The following VIT variants were observed in gnomAD, a reference collection of about 807,000 sequenced individuals.
VIT encodes vitrin.
A neutral mutation model predicts 78.0 loss-of-function variants in VIT; 99 were observed. The observed-to-expected ratio is 1.27, with a 90% confidence interval of 1.08 to 1.50. VIT has a LOEUF of 1.50. VIT is among the 40% of genes most tolerant of loss of function. The pLI is 0.00. For missense variants in VIT, 1,126 were observed against 875.3 expected (o/e 1.29, Z -3.61); for synonymous variants, 374 against 334.3 (o/e 1.12, Z -1.29).
At chr2:36,809,241 C>T (rs1666976623) in intron 15 of VIT, among the ~76,000 whole-genome samples, 1 of 152,128 alleles carries the variant, frequency 6.6e-6, no homozygotes, top group Non-Finnish European at 1.5e-5. Flanking sequence ...TGACTGGGCG[C>T]ATTAACCCTT....
chr2:36,753,107 C>T lies in VIT; in HGVS notation c.276-1814C>T, dbSNP rs6544030. Reference sequence around the variant, plus strand: ...TATCCTCAGCAAACTAACACAAGAACAGAAAATCAAATACCGCATGTTCTC... The same window carrying T: ...TATCCTCAGCAAACTAACACAAGAATAGAAAATCAAATACCGCATGTTCTC... On this transcript the variant is annotated intron_variant, in intron 4 of 15. Coordinates refer to ENST00000379242, the MANE Select transcript of VIT (RefSeq NM_053276.4). Among the ~76,000 whole-genome samples, 1,184 of 151,672 alleles carry T rather than the reference C, an allele frequency of 7.8e-3. 15 individuals carry two copies. The highest frequency in any genetic ancestry group is 0.027 in the African/African-American group (1,129 of 41,292).
intron 13 of VIT, among the ~76,000 whole-genome samples, chr2:36,805,131 C>T (rs565236082): frequency 2.6e-5 from 4 of 151,966 alleles, no homozygotes; most frequent in Non-Finnish European, 4.4e-5. Context: ...GGCAAAACCT[C>T]GTCTCTACAA....
chr2:36,740,173 C>A (rs1667751594), intron 3 of VIT, among the ~76,000 whole-genome samples: 1 of 152,134 alleles, frequency 6.6e-6, no homozygotes, highest in Non-Finnish European at 1.5e-5. Flanking sequence ...ACGAATAAAC[C>A]TTAACAACCA....
At chr2:36,775,406 C>T (rs964848084) in intron 9 of VIT, among the ~76,000 whole-genome samples, 6 of 152,178 alleles carry the variant, frequency 3.9e-5, no homozygotes, top group Admixed American at 6.5e-5. Context: ...AGCACAAATA[C>T]CCAGATACAG....
intron 2 of VIT, among the ~76,000 whole-genome samples, chr2:36,725,791 G>A (rs998458836): frequency 2.0e-4 from 30 of 152,050 alleles, no homozygotes; most frequent in African/African-American, 6.0e-4. Context: ...AAACACACCC[G>A]CCGGGCACAG....
At chr2:36,780,242 T>C (rs1323777545) in intron 9 of VIT, among the ~76,000 whole-genome samples, 1 of 152,226 alleles carries the variant, frequency 6.6e-6, no homozygotes, top group African/African-American at 2.4e-5. Flanking sequence ...ATCCCTGATG[T>C]TGGGGGACTG....
At chr2:36,708,242 C>T (rs1460473987) in intron 1 of VIT, among the ~76,000 whole-genome samples, 2 of 152,198 alleles carry the variant, frequency 1.3e-5, no homozygotes, top group African/African-American at 4.8e-5. Flanking sequence ...GTGGCCTCTC[C>T]CCATTCAGAG....
chr2:36,709,452 G>A (rs1440452605), intron 1 of VIT, among the ~76,000 whole-genome samples: 1 of 152,192 alleles, frequency 6.6e-6, no homozygotes, highest in East Asian at 1.9e-4. Flanking sequence ...GCAAATGTTA[G>A]TTATGATGCA....
At chr2:36,709,576 A>G (rs929279302) in intron 1 of VIT, among the ~76,000 whole-genome samples, 2 of 152,196 alleles carry the variant, frequency 1.3e-5, no homozygotes, top group African/African-American at 2.4e-5. Context: ...TAATGGATGC[A>G]TGAAAGAAGA....
intron 6 of VIT, among the ~76,000 whole-genome samples, chr2:36,763,953 T>C (rs1014075652): frequency 8.5e-5 from 13 of 152,150 alleles, no homozygotes; most frequent in African/African-American, 2.2e-4. Flanking sequence ...TGGAAGCCCA[T>C]GGCTGTTAGT....
At chr2:36,803,763 G>GT (rs1329715429) in intron 13 of VIT, among the ~76,000 whole-genome samples, 4 of 152,186 alleles carry the variant, frequency 2.6e-5, no homozygotes, top group African/African-American at 9.7e-5. Flanking sequence ...AATGCATTGA[G>GT]TATAATACTA....
intron 14 of VIT, among the ~76,000 whole-genome samples, chr2:36,806,360 A>G (rs188568652): frequency 2.6e-5 from 4 of 152,212 alleles, no homozygotes; most frequent in Non-Finnish European, 5.9e-5. Context: ...CACCACCTCA[A>G]ACTGATGACC....
At chr2:36,799,268 C>T (rs1397923005) in intron 12 of VIT, among the ~76,000 whole-genome samples, 1 of 152,172 alleles carries the variant, frequency 6.6e-6, no homozygotes, top group Non-Finnish European at 1.5e-5. Context: ...GTCCTGGTGA[C>T]TGGTTTCCTC....
chr2:36,779,945 T>C (rs1362598561), intron 9 of VIT, among the ~76,000 whole-genome samples: 1 of 152,180 alleles, frequency 6.6e-6, no homozygotes, highest in East Asian at 1.9e-4. Context: ...GGAAAGAAAG[T>C]AAGTGAGCCC....
At chr2:36,734,046 G>A (rs1004233796) in intron 3 of VIT, among the ~76,000 whole-genome samples, 10 of 152,126 alleles carry the variant, frequency 6.6e-5, no homozygotes, top group East Asian at 1.9e-4. Flanking sequence ...CTCCTGGACC[G>A]GCAGCATCAG....
intron 8 of VIT, 95 bp downstream of exon 8, chr2:36,773,942 G>A: frequency 3.0e-6 from 4 of 1,322,450 alleles, no homozygotes; most frequent in Non-Finnish European, 4.1e-6. Context: ...TTTAGATTTG[G>A]ACAAGGACTA....
intron 3 of VIT, among the ~76,000 whole-genome samples, chr2:36,734,630 C>G (rs1573182120): frequency 6.6e-6 from 1 of 152,198 alleles, no homozygotes; most frequent in Non-Finnish European, 1.5e-5. Flanking sequence ...TTGGACTTGG[C>G]TTGAAAACGC....
intron 3 of VIT, among the ~76,000 whole-genome samples, chr2:36,734,265 C>T (rs1055354329): frequency 2.0e-5 from 3 of 152,154 alleles, no homozygotes; most frequent in African/African-American, 7.2e-5. Context: ...CCTTTAGTGC[C>T]CTCTAACCTC....
In VIT at chr2:36,759,734, T is replaced by C. The variant is rs1056942314; in HGVS notation, c.487+688T>C. 4.4e-6 allele frequency: 4 copies of C among 917,258 alleles called. No homozygotes were observed. The Admixed American group carries it at 1.8e-4, about 42-fold the overall frequency. The allele number at this position is 917,258 out of a possible 1,614,324, so 56.8% of individuals were successfully genotyped here. A position where few individuals can be genotyped will look rare whatever the true frequency, so the allele number is the denominator to read the frequency against. ...TAGGCTAGCTAATACATTATGAGCC[T>C]GATAGTTCAGGTTCTGTTCATGTAC... On this transcript the variant is annotated intron_variant, in intron 6 of 15. Transcript: ENST00000379242.
Sources: gnomAD v4.1 joint callset for allele counts (sites outside exome capture counted in the v4.1 genomes callset) on GRCh38, gnomAD v4.1.1 for gene constraint, MANE v1.5 for transcripts, NCBI Gene and HGNC (gene_info 2026-07-23, HGNC 2026-07-21) for gene names.